BRD10: variants seen among roughly 807,000 people sequenced by gnomAD.
BRD10 encodes bromodomain containing 10, also known as uncharacterized bromodomain-containing protein 10.
At chr9:5,940,375 T>TA in the BRD10 span, among the ~76,000 whole-genome samples, 1 of 151,934 alleles carries the variant, frequency 6.6e-6, no homozygotes, top group Admixed American at 6.6e-5. Context: ...TTGTATTTTT[T>TA]GTAGAGACAG....
the BRD10 span, among the ~76,000 whole-genome samples, chr9:5,951,354 C>G: frequency 2.3e-4 from 35 of 151,488 alleles, no homozygotes; most frequent in African/African-American, 8.0e-4. Context: ...CACAATTTAA[C>G]CCTTTCATTT....
the BRD10 span, chr9:5,968,473 T>C: frequency 6.2e-7 from 1 of 1,611,522 alleles, no homozygotes; most frequent in Non-Finnish European, 8.5e-7. Flanking sequence ...CTAAATTTTC[T>C]TTACAACAAT....
the BRD10 span, chr9:5,921,799 G>A: frequency 6.2e-7 from 1 of 1,613,946 alleles, no homozygotes; most frequent in Non-Finnish European, 8.5e-7. Context: ...AACAAATAGA[G>A]GACTTCAAGG....
chr9:5,951,086 CACCCT>C, the BRD10 span, among the ~76,000 whole-genome samples: 1 of 151,366 alleles, frequency 6.6e-6, no homozygotes, highest in African/African-American at 2.4e-5. Flanking sequence ...ACCCCCACCC[CACCCT>C]GCCACACATA....
the BRD10 span, among the ~76,000 whole-genome samples, chr9:5,893,460 C>A: frequency 6.6e-6 from 1 of 152,162 alleles, no homozygotes; most frequent in Non-Finnish European, 1.5e-5. Flanking sequence ...ATGTAAAGCC[C>A]AACAAAGGCA....
the BRD10 span, chr9:5,924,738 T>G: frequency 6.2e-7 from 1 of 1,604,886 alleles, no homozygotes; most frequent in African/African-American, 1.3e-5. Flanking sequence ...CTTAGGAGAG[T>G]CTTTTCCAAG....
the BRD10 span, among the ~76,000 whole-genome samples, chr9:5,931,458 A>G: frequency 1.3e-5 from 2 of 152,236 alleles, no homozygotes; most frequent in Non-Finnish European, 2.9e-5. Flanking sequence ...CACATGGAGA[A>G]ATATACTACT....
At chr9:5,888,370 A>T in the BRD10 span, among the ~76,000 whole-genome samples, 1 of 152,218 alleles carries the variant, frequency 6.6e-6, no homozygotes, top group Non-Finnish European at 1.5e-5. Flanking sequence ...ACATTCTTAA[A>T]TAAATGTGGT....
chr9:5,924,186 G>C, the BRD10 span, among the ~76,000 whole-genome samples: 1 of 152,168 alleles, frequency 6.6e-6, no homozygotes, highest in Admixed American at 6.5e-5. Flanking sequence ...AGGGATTACA[G>C]ATCAAGGGTG....
the BRD10 span, among the ~76,000 whole-genome samples, chr9:5,937,195 C>T: frequency 1.3e-5 from 2 of 148,294 alleles, no homozygotes; most frequent in South Asian, 4.3e-4. Context: ...TGCCACTACA[C>T]TCTAGCCTGG....
chr9:5,893,081 A>C, the BRD10 span, among the ~76,000 whole-genome samples: 11,592 of 152,266 alleles, frequency 0.076, 605 homozygotes, highest in South Asian at 0.14. Flanking sequence ...ATTAAAAATA[A>C]GTATTTATAT....
At chr9:5,926,364 G>C in the BRD10 span, among the ~76,000 whole-genome samples, 1 of 151,964 alleles carries the variant, frequency 6.6e-6, no homozygotes, top group Admixed American at 6.6e-5. Flanking sequence ...TGGAGTACAA[G>C]TGGCACAATC....
chr9:5,880,640 A>T, the BRD10 span, among the ~76,000 whole-genome samples: 1 of 151,808 alleles, frequency 6.6e-6, no homozygotes, highest in East Asian at 1.9e-4. Context: ...CATGACTCTG[A>T]CCTTGGGCAA....
chr9:5,919,766 A>C, the BRD10 span: 2 of 1,613,698 alleles, frequency 1.2e-6, no homozygotes, highest in Admixed American at 1.7e-5. Flanking sequence ...ACTGGCAGAT[A>C]CAACAATCTG....
At chr9:5,885,263 A>T in the BRD10 span, among the ~76,000 whole-genome samples, 1 of 152,218 alleles carries the variant, frequency 6.6e-6, no homozygotes, top group Non-Finnish European at 1.5e-5. Context: ...GCTCACCCCA[A>T]GGACTGGGCA....
the BRD10 span, among the ~76,000 whole-genome samples, chr9:5,957,182 T>C: frequency 1.3e-5 from 2 of 152,252 alleles, no homozygotes; most frequent in Admixed American, 6.5e-5. Flanking sequence ...AATTAACTTA[T>C]TTATTTCTCA....
At chr9:5,921,879 A>C in the BRD10 span, 1 of 1,613,968 alleles carries the variant, frequency 6.2e-7, no homozygotes, top group East Asian at 2.2e-5. Context: ...GTGTGGCCTA[A>C]TGTAAGTTTG....
At chr9:5,910,377 A>T in the BRD10 span, 2 of 152,252 alleles carry the variant, frequency 1.3e-5, no homozygotes, top group Non-Finnish European at 2.9e-5. Context: ...ACAACATTTA[A>T]CAAAATATTA....
At chr9:5,930,526 C>CT in the BRD10 span, among the ~76,000 whole-genome samples, 2 of 151,892 alleles carry the variant, frequency 1.3e-5, no homozygotes, top group Admixed American at 1.3e-4. Flanking sequence ...ATTTCTACCT[C>CT]TGAGGTTTTT....
Sources: gnomAD v4.1 joint callset for allele counts (sites outside exome capture counted in the v4.1 genomes callset) on GRCh38, gnomAD v4.1.1 for gene constraint, MANE v1.5 for transcripts, NCBI Gene and HGNC (gene_info 2026-07-23, HGNC 2026-07-21) for gene names.